The following GET1 variants were observed in gnomAD, a reference collection of about 807,000 sequenced individuals.
The protein encoded by GET1 is congenital heart disease 5 protein.
In GET1, 20 loss-of-function variants were observed where a neutral mutation model predicts 22.6. The observed-to-expected ratio is 0.89, with a 90% CI of 0.62 to 1.29. The LOEUF is 1.29. Among genes scored for constraint, GET1 ranks in the 50% most tolerant of loss-of-function variants. The pLI, the probability that GET1 is intolerant of heterozygous loss-of-function variation, is 0.00. For missense variants in GET1, 209 were observed against 219.9 expected (o/e 0.95, Z 0.31); for synonymous variants, 92 against 83.8 (o/e 1.10, Z -0.53).
Position 39,428,508 on chromosome 21 carries a change from TAAAAG to T in GET1, c.*306_*310del, listed in dbSNP as rs556724990. ...GCCAAAGACATAGCAAACAACCTAA[TAAAAG>T]AAAAGTAAAACCTAATAAAAGTATT... On this transcript the variant is annotated 3_prime_UTR_variant, in exon 2 of 2. Coordinates refer to the GET1 transcript ENST00000478273. 247 of 1,465,104 alleles carry T rather than the reference TAAAAG, an allele frequency of 1.7e-4. 1 individual carries two copies. The highest frequency in any genetic ancestry group is 5.8e-4 in the East Asian group (24 of 41,300). The allele number at this position is 1,465,104 out of a possible 1,614,324, so 90.8% of individuals were successfully genotyped here.
exon 5 of GET1, chr21:39,406,297 A>T (rs1217176452): frequency 6.2e-7 from 1 of 1,614,094 alleles, no homozygotes; most frequent in African/African-American, 1.3e-5. Flanking sequence ...CCCATGATGC[A>T]GGTTTTCAGT....
At chr21:39,425,283 T>G (rs1220275697) in intron 1 of GET1, among the ~76,000 whole-genome samples, 2 of 152,106 alleles carry the variant, frequency 1.3e-5, no homozygotes, top group African/African-American at 4.8e-5. Context: ...CTGCTCCAGG[T>G]GGTGGGAAAG....
In GET1 at chr21:39,391,818, C is replaced by A; in HGVS notation, c.318C>A (p.Val106=). 6.2e-7 allele frequency: 1 copy of A among 1,614,098 alleles called. No individual in the cohort carries two copies. The highest frequency in any genetic ancestry group is 1.1e-5 in the South Asian group (1 of 91,062). The part of the protein sequence containing the change: ...QLAKIKWVIS[V]AFYVLQAALM... ...CCAAGATAAAATGGGTGATAAGTGT[C>A]GCTTTCTACGTATTGCAGGTAAGTG... The change falls in exon 3 of 5, where the codon GTC becomes GTA. Residue 106 remains valine (V), a synonymous_variant. Transcript: ENST00000649170.
intron 1 of GET1, among the ~76,000 whole-genome samples, chr21:39,387,278 C>T (rs1288121549): frequency 6.6e-6 from 1 of 152,168 alleles, no homozygotes; most frequent in African/African-American, 2.4e-5. Flanking sequence ...CTTCACTCAC[C>T]TCCCATTCCT....
intron 1 of GET1, among the ~76,000 whole-genome samples, chr21:39,427,205 A>T (rs139470819): frequency 1.6e-3 from 245 of 152,340 alleles, no homozygotes; most frequent in African/African-American, 5.7e-3. Flanking sequence ...CATGGACAAG[A>T]GCCCCAGCTG....
intron 3 of GET1, 44 bp from the exon 4 acceptor site, chr21:39,393,122 G>A: frequency 2.0e-6 from 3 of 1,528,352 alleles, no homozygotes; most frequent in Non-Finnish European, 2.7e-6. Context: ...GTGGTCGGTT[G>A]TGTGATTGGC....
intron 1 of GET1, among the ~76,000 whole-genome samples, chr21:39,427,447 G>A (rs1390828597): frequency 1.3e-5 from 2 of 152,114 alleles, no homozygotes; most frequent in Non-Finnish European, 2.9e-5. Context: ...CGGATCACGA[G>A]GTCAGGAGAT....
chr21:39,416,335 T>C (rs1309563911), intron 1 of GET1, among the ~76,000 whole-genome samples: 2 of 152,256 alleles, frequency 1.3e-5, no homozygotes, highest in Non-Finnish European at 2.9e-5. Flanking sequence ...GTTATCTTTA[T>C]TGATCCTCAA....
intron 1 of GET1, among the ~76,000 whole-genome samples, chr21:39,419,543 G>A (rs114286336): frequency 1.6e-3 from 224 of 138,646 alleles, no homozygotes; most frequent in Middle Eastern, 3.7e-3. Context: ...AAAGAAAAAA[G>A]AAAAAAGAAA....
At chr21:39,400,131 A>G (rs2147022860), downstream of GET1, among the ~76,000 whole-genome samples, 1 of 152,132 alleles carries the variant, frequency 6.6e-6, no homozygotes, top group East Asian at 1.9e-4. Flanking sequence ...GGCCTTCCAT[A>G]GTTTTTCTTA....
chr21:39,384,021 G>A (rs1010560808), intron 1 of GET1, among the ~76,000 whole-genome samples: 3 of 151,176 alleles, frequency 2.0e-5, no homozygotes, highest in Non-Finnish European at 1.5e-5. Context: ...GATTACAGGC[G>A]TGAGCCACCA....
chr21:39,387,802 T>C, intron 1 of GET1: 1 of 985,392 alleles, frequency 1.0e-6, no homozygotes, highest in Non-Finnish European at 1.2e-6. Context: ...GGGTCGCGGC[T>C]TCCAAGCTCT....
chr21:39,387,859 A>G, intron 1 of GET1: 1 of 966,454 alleles, frequency 1.0e-6, no homozygotes, highest in Non-Finnish European at 1.2e-6. Context: ...GAGACCTGTA[A>G]GCTGGAAGGG....
chr21:39,419,457 C>T (rs915449561), intron 1 of GET1, among the ~76,000 whole-genome samples: 8 of 144,972 alleles, frequency 5.5e-5, no homozygotes, highest in African/African-American at 1.3e-4. Context: ...CCCAGGAGTT[C>T]GAGGCTGCAG....
chr21:39,405,868 G>A lies in GET1; in HGVS notation c.350-46G>A, dbSNP rs202032441. On this transcript the variant is annotated intron_variant, in intron 4 of 4. Coordinates refer to the GET1 transcript ENST00000415847. Reference sequence around the variant, plus strand: ...ATTATATCAAACCAGAATGCATTAGGATATTGATTATATTTAAATAATTAT... The same window carrying A: ...ATTATATCAAACCAGAATGCATTAGAATATTGATTATATTTAAATAATTAT... The A allele has an allele frequency of 4.6e-4, 701 of 1,528,886 alleles. 7 individuals are homozygous for A. In the African/African-American group the frequency reaches 8.8e-3, roughly 19 times the overall value. 94.7% of individuals were successfully genotyped at this position (1,528,886 alleles called of 1,614,324 possible).
chr21:39,411,854 C>G, intron 1 of GET1: 1 of 1,029,636 alleles, frequency 9.7e-7, no homozygotes, highest in Non-Finnish European at 1.5e-6. Context: ...TTTTGTCAAC[C>G]CTGATTTCTT....
chr21:39,405,899 T>C (rs779475051), intron 4 of GET1: 2 of 1,582,882 alleles, frequency 1.3e-6, no homozygotes, highest in East Asian at 4.5e-5. Flanking sequence ...ATTATTTTTC[T>C]TTTTCCTTCT....
chr21:39,406,075 T>C, exon 5 of GET1: 2 of 1,614,188 alleles, frequency 1.2e-6, no homozygotes, highest in Non-Finnish European at 1.7e-6. Context: ...TTTCAAGACA[T>C]AGCCTGATCC....
downstream of GET1, chr21:39,410,245 G>T: frequency 6.8e-7 from 1 of 1,479,682 alleles, no homozygotes; most frequent in South Asian, 1.2e-5. Context: ...GACACTGCAA[G>T]ATTCCAAATT....
Sources: gnomAD v4.1 joint callset for allele counts (sites outside exome capture counted in the v4.1 genomes callset) on GRCh38, gnomAD v4.1.1 for gene constraint, MANE v1.5 for transcripts, NCBI Gene and HGNC (gene_info 2026-07-23, HGNC 2026-07-21) for gene names.